The following PCM1 variants were observed in gnomAD, a reference collection of about 807,000 sequenced individuals.
PCM1 encodes pericentriolar material 1.
PCM1 carries 157 observed loss-of-function variants against 241.9 expected under a neutral mutation model. That is an observed-to-expected ratio of 0.65 (90% CI 0.57 to 0.74). PCM1 has a LOEUF of 0.74. Among genes scored for constraint, PCM1 ranks in the 30% least tolerant of loss-of-function variants. The probability of loss-of-function intolerance (pLI) is 0.00; values close to 1 mark genes in which losing one functional copy is unlikely to be tolerated. For missense variants in PCM1, 3,478 were observed against 2,360.1 expected (o/e 1.47, Z -9.81); for synonymous variants, 1,085 against 784.9 (o/e 1.38, Z -6.39).
At chr8:17,961,342 G>A (rs376108568) in intron 15 of PCM1, among the ~76,000 whole-genome samples, 14 of 112,450 alleles carry the variant, frequency 1.2e-4, no homozygotes, top group Non-Finnish European at 2.1e-4. Context: ...ACGGAGTCTC[G>A]CTCTGTGGCC....
chr8:17,989,076 G>A (rs969759315), intron 26 of PCM1, among the ~76,000 whole-genome samples: 8 of 152,056 alleles, frequency 5.3e-5, no homozygotes, highest in Non-Finnish European at 1.2e-4. Flanking sequence ...ACAAACTGTG[G>A]TATATCTATA....
intron 23 of PCM1, among the ~76,000 whole-genome samples, chr8:17,977,153 A>G (rs994690064): frequency 1.3e-5 from 2 of 152,192 alleles, no homozygotes; most frequent in Non-Finnish European, 2.9e-5. Flanking sequence ...AGATCATTGT[A>G]TGTTATTAAA....
intron 29 of PCM1, 88 bp downstream of exon 29, chr8:17,993,707 G>T (rs1301433091): frequency 9.0e-7 from 1 of 1,112,264 alleles, no homozygotes; most frequent in Non-Finnish European, 1.3e-6. Flanking sequence ...AAAGTTCAAC[G>T]GTATAGGTAA....
rs372817079 is a variant in PCM1 at position 17,969,756 on chromosome 8, T to C, written c.3584+8T>C. On this transcript the variant is annotated splice_region_variant and intron_variant, in intron 22 of 38. Transcript: ENST00000325083. The stretch of plus-strand genomic sequence containing the variant: ...TGGAGCAGAGAAACCAAGGTACTGA[T>C]TGTAAACAGTCTTTTATTGCTTAAA... The C allele has an allele frequency of 3.4e-5, 54 of 1,583,018 alleles. No individual in the cohort carries two copies. The African/African-American group carries it at 6.2e-4, about 18-fold the overall frequency.
intron 18 of PCM1, 40 bp downstream of exon 18, chr8:17,964,808 G>T (rs998601481): frequency 3.2e-5 from 48 of 1,496,152 alleles, no homozygotes; most frequent in Non-Finnish European, 4.1e-5. Flanking sequence ...AATTTAAGAG[G>T]CTCAGGTCTT....
chr8:17,969,386 G>C (rs1274491375), intron 21 of PCM1, 191 bp from the exon 22 acceptor site: 2 of 501,512 alleles, frequency 4.0e-6, no homozygotes, highest in Non-Finnish European at 6.9e-6. Context: ...AATTGTCTTT[G>C]ACCAATGCCT....
intron 10 of PCM1, 101 bp from the exon 11 acceptor site, chr8:17,956,503 T>C (rs1186208881): frequency 1.4e-6 from 1 of 699,082 alleles, no homozygotes; most frequent in African/African-American, 1.8e-5. Context: ...TTCCATTAGG[T>C]CTAAATTTTG....
chr8:17,988,923 G>T (rs1240885208), intron 26 of PCM1, among the ~76,000 whole-genome samples: 1 of 151,822 alleles, frequency 6.6e-6, no homozygotes, highest in African/African-American at 2.4e-5. Context: ...ACATAAACGT[G>T]GCATGTGACC....
chr8:18,025,547 G>A lies in PCM1; in HGVS notation c.5938G>A (p.Asp1980Asn). ...ATTTTTAATTTTCATTCCAAAGGCA[G>A]ATCTAAGAAAGAAAATGGTAGAAGA... ...PLKLTIYSEA[D>N]LRKKMVEEEQ... The change falls in exon 38 of 39, where the codon GAT becomes AAT. Residue 1980 changes from aspartate (D) to asparagine (N), a missense_variant. Asp to Asn is a conservative substitution (Grantham distance 23). Transcript: ENST00000325083. The A allele has an allele frequency of 1.3e-6, 2 of 1,570,848 alleles. No homozygotes were observed. The highest frequency in any genetic ancestry group is 1.7e-6 in the Non-Finnish European group (2 of 1,151,670).
chr8:17,984,720 C>T (rs978842697), intron 24 of PCM1, among the ~76,000 whole-genome samples: 2 of 151,748 alleles, frequency 1.3e-5, no homozygotes. Context: ...TAAATGGATA[C>T]CTTTGAGTGT....
chr8:18,014,455 A>T lies in PCM1; in HGVS notation c.5585-129A>T, dbSNP rs1278204106. 4 of 646,738 alleles carry T rather than the reference A, an allele frequency of 6.2e-6. No individual in the cohort carries two copies. In the East Asian group the frequency reaches 1.3e-4, roughly 20 times the overall value. 40.1% of individuals were successfully genotyped at this position (646,738 alleles called of 1,614,324 possible). ...GGAACCATTGATAAGGAAAATTTGT[A>T]GTTGCCTTTTCTTTTTGGTCTTAAA... On this transcript the variant is annotated intron_variant, in intron 35 of 38. Coordinates refer to ENST00000325083, the MANE Select transcript of PCM1 (RefSeq NM_006197.4).
Position 17,989,854 on chromosome 8 carries a change from C to G in PCM1, c.4411-5C>G, listed in dbSNP as rs1242941460. On this transcript the variant is annotated splice_polypyrimidine_tract_variant and splice_region_variant and intron_variant, in intron 26 of 38. Transcript: ENST00000325083. ...GTGATTTTTGTTTGTTTTACTGTAA[C>G]TTAGGAAACTTTTGAGAAGAACTTT... 1 of 1,525,756 alleles carries G rather than the reference C, an allele frequency of 6.6e-7. No individual in the cohort carries two copies. The highest frequency in any genetic ancestry group is 8.9e-7 in the Non-Finnish European group (1 of 1,129,236). 94.5% of individuals were successfully genotyped at this position (1,525,756 alleles called of 1,614,324 possible).
rs1005979304 is a variant in PCM1 at position 17,962,179 on chromosome 8, T to C, written c.2463+5T>C. 1.9e-6 allele frequency: 3 copies of C among 1,597,350 alleles called. No individual in the cohort carries two copies. The highest frequency in any genetic ancestry group is 2.6e-6 in the Non-Finnish European group (3 of 1,170,164). The stretch of plus-strand genomic sequence containing the variant: ...TCTTCAATAGTAGATAATGAGGTAT[T>C]GTAAATTGTACTCTCTTGTTCCTGA... On this transcript the variant is annotated splice_donor_5th_base_variant and intron_variant, in intron 16 of 38. Coordinates refer to ENST00000325083, the MANE Select transcript of PCM1 (RefSeq NM_006197.4).
chr8:18,028,782 C>T lies in PCM1; in HGVS notation c.*1120C>T, dbSNP rs2094379290. 1 of 191,502 alleles carries T rather than the reference C, an allele frequency of 5.2e-6. No individual in the cohort carries two copies. The highest frequency in any genetic ancestry group is 1.1e-5 in the Non-Finnish European group (1 of 91,324). The allele number at this position is 191,502 out of a possible 1,614,324, so 11.9% of individuals were successfully genotyped here. A position where few individuals can be genotyped will look rare whatever the true frequency, so the allele number is the denominator to read the frequency against. ...TCGAATAAAATACAAAGAATTAGTT[C>T]CAATAAGTATTTTAACTTTGTTAAC... On this transcript the variant is annotated 3_prime_UTR_variant, in exon 39 of 39. Coordinates refer to ENST00000325083, the MANE Select transcript of PCM1 (RefSeq NM_006197.4).
At chr8:18,000,061 A>G (rs1221562427) in intron 29 of PCM1, among the ~76,000 whole-genome samples, 1 of 152,190 alleles carries the variant, frequency 6.6e-6, no homozygotes, top group African/African-American at 2.4e-5. Flanking sequence ...ATTTGGTGAT[A>G]TGATGGTGTC....
chr8:17,968,046 T>A (rs2075553871), intron 21 of PCM1, among the ~76,000 whole-genome samples: 1 of 142,194 alleles, frequency 7.0e-6, no homozygotes, highest in African/African-American at 3.0e-5. Context: ...AGCAAATCAG[T>A]TCCGCCGCCA....
In PCM1 at chr8:17,960,460, AT is replaced by A. The variant is rs1268261101; in HGVS notation, c.2322+19del. The A allele has an allele frequency of 1.9e-6, 3 of 1,565,392 alleles. No individual in the cohort carries two copies. The highest frequency in any genetic ancestry group is 2.6e-6 in the Non-Finnish European group (3 of 1,161,380). On this transcript the variant is annotated intron_variant, in intron 15 of 38. Transcript: ENST00000325083. ...TGACTTACAGGTAATTATGAAATTT[AT>A]TTCTAATTGTCTGAAAAAAGATGTT...
chr8:18,011,675 A>G lies in PCM1; in HGVS notation c.5359A>G (p.Lys1787Glu), dbSNP rs1398040224. The part of the protein sequence containing the change: ...EGCPVSINLS[K>E]AETQALTNYG... ...TGTATTAATCAACTTAGATTTGTCT[A>G]AAGCTGAAACTCAGGCTTTAACTAA... The change falls in exon 34 of 39, where the codon AAA (lysine) becomes GAA (glutamate). Residue 1787 changes from lysine (K) to glutamate (E), a missense_variant. Lys to Glu is a moderately conservative substitution (Grantham distance 56, BLOSUM62 1). Coordinates refer to ENST00000325083, the MANE Select transcript of PCM1 (RefSeq NM_006197.4). 2 of 1,607,180 alleles carry G rather than the reference A, an allele frequency of 1.2e-6. No individual in the cohort carries two copies. The highest frequency in any genetic ancestry group is 1.7e-6 in the Non-Finnish European group (2 of 1,176,758).
rs746217621 is a variant in PCM1 at position 17,950,728 on chromosome 8, A to T, written c.1071+4A>T. The T allele has an allele frequency of 2.7e-6, 4 of 1,493,052 alleles. No homozygotes were observed. The highest frequency in any genetic ancestry group is 3.7e-6 in the Non-Finnish European group (4 of 1,081,884). 92.5% of individuals were successfully genotyped at this position (1,493,052 alleles called of 1,614,324 possible). A position where few individuals can be genotyped will look rare whatever the true frequency, so the allele number is the denominator to read the frequency against. ...TAATCAGCTTCGTGATTCTCAGGTA[A>T]CCTAGATGTTTTAGTATAGTTGAGT... On this transcript the variant is annotated splice_donor_region_variant and intron_variant, in intron 8 of 38. Transcript: ENST00000325083.
Sources: gnomAD v4.1 joint callset for allele counts (sites outside exome capture counted in the v4.1 genomes callset) on GRCh38, gnomAD v4.1.1 for gene constraint, MANE v1.5 for transcripts, NCBI Gene and HGNC (gene_info 2026-07-23, HGNC 2026-07-21) for gene names.